MFHAS1: variants seen among roughly 807,000 people sequenced by gnomAD.
MFHAS1 encodes multifunctional ROCO family signaling regulator 1, also known as malignant fibrous histiocytoma-amplified sequence 1.
Under a neutral mutation model 70.4 loss-of-function variants are expected in MFHAS1, and 50 were observed. The observed-to-expected ratio is 0.71, with a 90% CI of 0.57 to 0.90. The LOEUF is 0.90. Among genes scored for constraint, MFHAS1 ranks in the 40% least tolerant of loss-of-function variants. MFHAS1 has a pLI of 0.00. For synonymous variants in MFHAS1, 952 were observed against 620.0 expected, an observed-to-expected ratio of 1.54 and a Z score of -7.96; for missense variants, 1,795 against 1,347.6, an observed-to-expected ratio of 1.33 and a Z score of -5.20.
chr8:8,810,413 A>G (rs540388111), intron 1 of MFHAS1, among the ~76,000 whole-genome samples: 1 of 152,296 alleles, frequency 6.6e-6, no homozygotes, highest in East Asian at 1.9e-4. Context: ...CCTGAACAAC[A>G]AAGGTTTGAA....
At chr8:8,790,895 T>C (rs1421140921) in intron 2 of MFHAS1, among the ~76,000 whole-genome samples, 1 of 152,214 alleles carries the variant, frequency 6.6e-6, no homozygotes. Context: ...CCAAAATTCC[T>C]GTGCAAAGTA....
intron 1 of MFHAS1, among the ~76,000 whole-genome samples, chr8:8,844,641 T>C (rs1487416990): frequency 6.6e-6 from 1 of 152,228 alleles, no homozygotes; most frequent in Non-Finnish European, 1.5e-5. Flanking sequence ...AGATGCCTCC[T>C]TCTCAGACCA....
At chr8:8,883,707 C>CAAAAAAAAAAAA (rs35799658) in intron 1 of MFHAS1, among the ~76,000 whole-genome samples, 3 of 29,578 alleles carry the variant, frequency 1.0e-4, no homozygotes, top group East Asian at 1.0e-3. Context: ...GACTCAGTCT[C>CAAAAAAAAAAAA]AAAAAAAAAA....
chr8:8,889,203 T>A (rs1809891258), intron 1 of MFHAS1, among the ~76,000 whole-genome samples: 1 of 152,148 alleles, frequency 6.6e-6, no homozygotes, highest in South Asian at 2.1e-4. Flanking sequence ...GAAAGCTTCA[T>A]TTGCTTAACA....
chr8:8,790,792 T>G (rs76949235), intron 2 of MFHAS1, among the ~76,000 whole-genome samples: 1 of 152,170 alleles, frequency 6.6e-6, no homozygotes. Context: ...GCCTGTTTAT[T>G]TGGTGATATA....
At chr8:8,849,384 T>C (rs962015486) in intron 1 of MFHAS1, among the ~76,000 whole-genome samples, 1 of 152,146 alleles carries the variant, frequency 6.6e-6, no homozygotes, top group Non-Finnish European at 1.5e-5. Context: ...CCCAGCCTTG[T>C]AGCAAGTAAT....
chr8:8,818,582 C>G (rs992698555), intron 1 of MFHAS1, among the ~76,000 whole-genome samples: 7 of 152,182 alleles, frequency 4.6e-5, no homozygotes, highest in Admixed American at 6.5e-5. Flanking sequence ...ATAGTAAATG[C>G]CAAATATGGA....
intron 1 of MFHAS1, among the ~76,000 whole-genome samples, chr8:8,838,681 C>T (rs1046067516): frequency 2.0e-5 from 3 of 151,992 alleles, no homozygotes; most frequent in East Asian, 1.9e-4. Flanking sequence ...GGCATGGAGG[C>T]GGGTGCCTGT....
intron 1 of MFHAS1, among the ~76,000 whole-genome samples, chr8:8,885,774 A>G (rs573082374): frequency 1.3e-3 from 201 of 152,326 alleles, no homozygotes; most frequent in African/African-American, 4.8e-3. Flanking sequence ...CAGTGGCACA[A>G]TCTCAGCTCA....
intron 1 of MFHAS1, among the ~76,000 whole-genome samples, chr8:8,870,531 T>C (rs1331278980): frequency 6.6e-6 from 1 of 152,148 alleles, no homozygotes; most frequent in East Asian, 1.9e-4. Flanking sequence ...GATAAATGAA[T>C]AGTTGGGCTG....
At chr8:8,868,570 C>T (rs541928322) in intron 1 of MFHAS1, among the ~76,000 whole-genome samples, 5 of 152,026 alleles carry the variant, frequency 3.3e-5, no homozygotes, top group South Asian at 2.1e-4. Context: ...CCCAACTACT[C>T]GGATCTTTGC....
At chr8:8,860,411 G>C (rs753785707) in intron 1 of MFHAS1, among the ~76,000 whole-genome samples, 5 of 152,210 alleles carry the variant, frequency 3.3e-5, no homozygotes, top group Non-Finnish European at 7.3e-5. Context: ...AAATACGCCA[G>C]TTAGGAAACT....
chr8:8,801,957 C>A (rs922864550), intron 1 of MFHAS1, among the ~76,000 whole-genome samples: 1 of 152,166 alleles, frequency 6.6e-6, no homozygotes, highest in African/African-American at 2.4e-5. Flanking sequence ...AGACGAAGGA[C>A]CCAGCAACTT....
At chr8:8,871,182 G>A (rs1809062572) in intron 1 of MFHAS1, among the ~76,000 whole-genome samples, 2 of 152,140 alleles carry the variant, frequency 1.3e-5, no homozygotes, top group East Asian at 3.9e-4. Context: ...GCCCTCCTCT[G>A]TCTCCACTCC....
intron 2 of MFHAS1, among the ~76,000 whole-genome samples, chr8:8,787,071 T>C (rs909661098): frequency 7.2e-6 from 1 of 138,352 alleles, no homozygotes; most frequent in East Asian, 2.2e-4. Context: ...TCCATCTTAC[T>C]CAGTATTATT....
intron 1 of MFHAS1, among the ~76,000 whole-genome samples, chr8:8,883,953 T>C (rs1809641532): frequency 6.6e-6 from 1 of 150,744 alleles, no homozygotes; most frequent in Admixed American, 6.6e-5. Flanking sequence ...ATCCCAACAT[T>C]TTGGGAGGCT....
At chr8:8,819,891 G>C (rs1440311596) in intron 1 of MFHAS1, among the ~76,000 whole-genome samples, 1 of 151,942 alleles carries the variant, frequency 6.6e-6, no homozygotes, top group African/African-American at 2.4e-5. Context: ...ATAGAGACGG[G>C]GTCTTTACAT....
chr8:8,830,096 G>A (rs1585039800), intron 1 of MFHAS1, among the ~76,000 whole-genome samples: 1 of 152,138 alleles, frequency 6.6e-6, no homozygotes. Context: ...GGGACTAGAT[G>A]ACCTCTAATT....
At chr8:8,841,378 G>C (rs1041717499) in intron 1 of MFHAS1, among the ~76,000 whole-genome samples, 1 of 152,112 alleles carries the variant, frequency 6.6e-6, no homozygotes, top group African/African-American at 2.4e-5. Flanking sequence ...GGGAGGCTGA[G>C]GCAGGAGAAT....
Sources: allele counts gnomAD v4.1 joint callset (sites outside exome capture counted in the v4.1 genomes callset), GRCh38; gene constraint gnomAD v4.1.1; transcripts MANE v1.5; gene names NCBI Gene and HGNC (gene_info 2026-07-23, HGNC 2026-07-21).